Variants in GOLM1 observed in about 807,000 individuals in gnomAD.
The protein encoded by GOLM1 is golgi membrane protein 1, also known as epididymis luminal protein 46.
GOLM1 carries 31 observed loss-of-function variants against 50.5 expected under a neutral mutation model. That is an observed-to-expected ratio of 0.61 (90% CI 0.46 to 0.83). The LOEUF (loss-of-function observed/expected upper bound fraction) is 0.83, where lower values mean the gene tolerates loss of function less well. Among genes scored for constraint, GOLM1 ranks in the 40% least tolerant of loss-of-function variants. The pLI, the probability that GOLM1 is intolerant of heterozygous loss-of-function variation, is 0.00. For missense variants in GOLM1, 491 were observed against 501.3 expected (o/e 0.98, Z 0.20); for synonymous variants, 178 against 192.8 (o/e 0.92, Z 0.64).
At chr9:86,050,738 T>C (rs1161863787) in intron 4 of GOLM1, among the ~76,000 whole-genome samples, 4 of 152,212 alleles carry the variant, frequency 2.6e-5, no homozygotes, top group Middle Eastern at 3.2e-3. Context: ...ACTGCATGTA[T>C]TTGATTCTTC....
intron 9 of GOLM1, among the ~76,000 whole-genome samples, chr9:86,032,770 C>G (rs1056355863): frequency 1.3e-5 from 2 of 152,172 alleles, no homozygotes; most frequent in African/African-American, 4.8e-5. Flanking sequence ...TGCTGTTATG[C>G]CTCCTGGGGA....
chr9:86,086,082 T>G (rs767085580), intron 1 of GOLM1, among the ~76,000 whole-genome samples: 1 of 152,220 alleles, frequency 6.6e-6, no homozygotes, highest in Non-Finnish European at 1.5e-5. Context: ...TAACTTACAC[T>G]CCGACCAACA....
chr9:86,095,692 C>G (rs750241572), intron 1 of GOLM1, among the ~76,000 whole-genome samples: 14 of 152,194 alleles, frequency 9.2e-5, no homozygotes, highest in South Asian at 4.1e-4. Context: ...AAGAGCCCAG[C>G]AGGGCTGAAA....
chr9:86,054,708 C>G (rs144004303), intron 3 of GOLM1, among the ~76,000 whole-genome samples: 41 of 152,216 alleles, frequency 2.7e-4, no homozygotes, highest in African/African-American at 9.6e-4. Context: ...TGCCAAATTG[C>G]TACAAACCCA....
intron 6 of GOLM1, 78 bp downstream of exon 6, chr9:86,040,661 A>G: frequency 7.3e-7 from 1 of 1,373,406 alleles, no homozygotes; most frequent in Non-Finnish European, 1.0e-6. Context: ...AGAGAAAGCC[A>G]GGCGGCACAT....
chr9:86,080,084 G>A (rs1834742500), intron 1 of GOLM1: 1 of 152,196 alleles, frequency 6.6e-6, no homozygotes, highest in South Asian at 2.1e-4. Flanking sequence ...AGGATTTGAG[G>A]TGGAAACAAG....
chr9:86,057,370 C>T (rs1174025093), intron 3 of GOLM1, among the ~76,000 whole-genome samples: 1 of 152,066 alleles, frequency 6.6e-6, no homozygotes, highest in Non-Finnish European at 1.5e-5. Context: ...ATTTGAAACA[C>T]TCACTTGGAA....
At chr9:86,064,907 G>A (rs1211275020) in intron 3 of GOLM1, among the ~76,000 whole-genome samples, 2 of 152,188 alleles carry the variant, frequency 1.3e-5, no homozygotes, top group Non-Finnish European at 2.9e-5. Flanking sequence ...AAGCTAAAAT[G>A]CACCTTCCAG....
intron 1 of GOLM1, among the ~76,000 whole-genome samples, chr9:86,083,781 T>G (rs1222330646): frequency 6.6e-6 from 1 of 152,202 alleles, no homozygotes; most frequent in Non-Finnish European, 1.5e-5. Context: ...ATGTGTACAG[T>G]CCCTTATTCA....
At chr9:86,090,796 A>AAAC in intron 1 of GOLM1, among the ~76,000 whole-genome samples, 1 of 150,732 alleles carries the variant, frequency 6.6e-6, no homozygotes, top group East Asian at 1.9e-4. Context: ...CAAAAAAAAA[A>AAAC]AAAAAAAAAA....
intron 9 of GOLM1, among the ~76,000 whole-genome samples, chr9:86,028,278 G>C (rs1832848826): frequency 6.6e-6 from 1 of 152,190 alleles, no homozygotes; most frequent in Non-Finnish European, 1.5e-5. Context: ...CACACAAGCG[G>C]CTGGACGTCA....
At chr9:86,061,694 T>C (rs1027451812) in intron 3 of GOLM1, among the ~76,000 whole-genome samples, 4 of 152,144 alleles carry the variant, frequency 2.6e-5, no homozygotes, top group Non-Finnish European at 5.9e-5. Flanking sequence ...CCTGCTGAGT[T>C]TTATTTAAAG....
At chr9:86,091,174 G>A (rs915621482) in intron 1 of GOLM1, among the ~76,000 whole-genome samples, 3 of 117,262 alleles carry the variant, frequency 2.6e-5, no homozygotes, top group Admixed American at 2.5e-4. Context: ...ATCTCGCTGG[G>A]AGCTGCGGAC....
At chr9:86,055,965 G>C (rs1451494598) in intron 3 of GOLM1, among the ~76,000 whole-genome samples, 1 of 135,232 alleles carries the variant, frequency 7.4e-6, no homozygotes, top group Non-Finnish European at 1.6e-5. Context: ...AGTGAAAACC[G>C]AACAGTAAAA....
chr9:86,028,614 A>C (rs1253034612), intron 9 of GOLM1, among the ~76,000 whole-genome samples: 1 of 152,188 alleles, frequency 6.6e-6, no homozygotes, highest in East Asian at 1.9e-4. Flanking sequence ...AATTGAACTG[A>C]TTAACACAAG....
rs1226623126 is a variant in GOLM1, at chr9:86,046,529, C to A, written c.408G>T (p.Gln136His). 2 of 1,613,452 alleles carry A rather than the reference C, an allele frequency of 1.2e-6. No individual in the cohort carries two copies. The highest frequency in any genetic ancestry group is 1.7e-6 in the Non-Finnish European group (2 of 1,179,554). The part of the protein sequence containing the change: ...TLQRNYGRLQ[Q>H]DVLQFQKNQT... ...GGTTCTTCTGAAACTGGAGGACATC[C>A]TGCTGCAGCCTGCCGTAATTCCTCT... The change falls in exon 5 of 10, where the codon CAG (glutamine) becomes CAT (histidine). Residue 136 changes from glutamine (Q) to histidine (H), a missense_variant. By Grantham distance (24) the Gln-to-His change is conservative. Coordinates refer to ENST00000388712, the MANE Select transcript of GOLM1 (RefSeq NM_016548.4).
chr9:86,044,332 G>A (rs1280680065), intron 5 of GOLM1, among the ~76,000 whole-genome samples: 1 of 152,208 alleles, frequency 6.6e-6, no homozygotes, highest in African/African-American at 2.4e-5. Context: ...ACGTGTACTT[G>A]GGGCTTCATG....
chr9:86,088,857 C>T (rs758812252), intron 1 of GOLM1, among the ~76,000 whole-genome samples: 10 of 152,020 alleles, frequency 6.6e-5, no homozygotes, highest in Non-Finnish European at 1.0e-4. Flanking sequence ...TTCATAGTGT[C>T]GATGGTCTTT....
chr9:86,075,596 C>T (rs1834586005), intron 3 of GOLM1, among the ~76,000 whole-genome samples: 1 of 152,188 alleles, frequency 6.6e-6, no homozygotes, highest in Admixed American at 6.5e-5. Context: ...CCCGGGTCTG[C>T]CTGACTCACA....
Sources: allele counts gnomAD v4.1 joint callset (sites outside exome capture counted in the v4.1 genomes callset), GRCh38; gene constraint gnomAD v4.1.1; transcripts MANE v1.5; gene names NCBI Gene and HGNC (gene_info 2026-07-23, HGNC 2026-07-21).